The following TMEM72 variants were observed in gnomAD, a reference collection of about 807,000 sequenced individuals.
The protein encoded by TMEM72 is kidney-specific secretory protein of 37 kDa.
In TMEM72, 9 loss-of-function variants were observed where a neutral mutation model predicts 16.3. That is an observed-to-expected ratio of 0.55 (90% confidence interval 0.33 to 0.96). The LOEUF (loss-of-function observed/expected upper bound fraction) is 0.96. Among genes scored for constraint, TMEM72 ranks in the 40% least tolerant of loss-of-function variants. TMEM72 has a pLI of 0.03. For synonymous variants in TMEM72, 160 were observed against 146.5 expected, an observed-to-expected ratio of 1.09 and a Z score of -0.66; for missense variants, 324 against 337.8, an observed-to-expected ratio of 0.96 and a Z score of 0.32.
intron 1 of TMEM72, among the ~76,000 whole-genome samples, chr10:44,926,393 C>T (rs1041098845): frequency 2.0e-5 from 3 of 152,180 alleles, no homozygotes; most frequent in African/African-American, 7.2e-5. Flanking sequence ...CCTCACTGTC[C>T]TCCTCTGTAA....
intron 2 of TMEM72, 110 bp downstream of exon 2, chr10:44,928,097 C>T: frequency 1.6e-6 from 2 of 1,253,854 alleles, no homozygotes; most frequent in Non-Finnish European, 2.3e-6. Flanking sequence ...TGAATTCCAT[C>T]CTATCTCAGG....
chr10:44,915,399 A>T (rs1839999098), intron 1 of TMEM72, among the ~76,000 whole-genome samples: 1 of 151,940 alleles, frequency 6.6e-6, no homozygotes, highest in Non-Finnish European at 1.5e-5. Flanking sequence ...CCTCATACCC[A>T]CTGTACAGGA....
In TMEM72 at chr10:44,937,006, C is replaced by T. The variant is rs1316444329; in HGVS notation, c.*1872C>T. Reference sequence around the variant, plus strand: ...CCCGTTTAATAAACACTTCAGTAAACCCAAGTGTGGAGTGTTGTTTTGGGT... The same window carrying T: ...CCCGTTTAATAAACACTTCAGTAAATCCAAGTGTGGAGTGTTGTTTTGGGT... On this transcript the variant is annotated 3_prime_UTR_variant, in exon 5 of 5. Coordinates refer to ENST00000389583, the MANE Select transcript of TMEM72 (RefSeq NM_001123376.3). 6.6e-6 allele frequency: 1 copy of T among 152,190 alleles called. No individual in the cohort carries two copies. The highest frequency in any genetic ancestry group is 1.5e-5 in the Non-Finnish European group (1 of 68,038). The allele number at this position is 152,190 out of a possible 1,614,324, so 9.4% of individuals were successfully genotyped here. A position where few individuals can be genotyped will look rare whatever the true frequency, so the allele number is the denominator to read the frequency against.
rs372932789 is a variant in TMEM72, at chr10:44,934,995, G to A, written c.689G>A (p.Arg230His). The change falls in exon 5 of 5, where the codon CGC (arginine) becomes CAC (histidine). Residue 230 changes from arginine to histidine, a missense_variant. Physicochemically the swap from Arg to His is conservative, Grantham distance 29. Coordinates refer to ENST00000389583, the MANE Select transcript of TMEM72 (RefSeq NM_001123376.3). ...KQVHFEDNLV[R>H]IVPSLAEGLD... ...GTGCACTTTGAAGACAACTTGGTCC[G>A]CATAGTCCCCTCCCTCGCCGAAGGT... 95 of 1,613,972 alleles carry A rather than the reference G, an allele frequency of 5.9e-5. No individual in the cohort carries two copies. Among genetic ancestry groups the A allele is most frequent in the East Asian group, 1.3e-4 (6 of 44,878 alleles).
At chr10:44,922,396 T>C (rs1840115073) in intron 1 of TMEM72, among the ~76,000 whole-genome samples, 1 of 152,184 alleles carries the variant, frequency 6.6e-6, no homozygotes, top group Non-Finnish European at 1.5e-5. Context: ...AACAGTCCCC[T>C]GGAAAAAAAA....
intron 1 of TMEM72, among the ~76,000 whole-genome samples, chr10:44,916,497 G>A (rs2132711402): frequency 6.6e-6 from 1 of 152,250 alleles, no homozygotes; most frequent in South Asian, 2.1e-4. Flanking sequence ...CCTTAGCCCT[G>A]TTCAAAGCCT....
chr10:44,921,890 C>A (rs1164897417), intron 1 of TMEM72, among the ~76,000 whole-genome samples: 2 of 152,238 alleles, frequency 1.3e-5, no homozygotes. Flanking sequence ...TGGGCTTAGA[C>A]TGAAGGCCAC....
At position 44,919,612 on chromosome 10, in the gene TMEM72, AC is replaced by A. The variant is rs1301427970; in HGVS notation, c.70+8031del. Among the ~76,000 whole-genome samples, 4 of 152,234 alleles carry A rather than the reference AC, an allele frequency of 2.6e-5. No individual in the cohort carries two copies. The South Asian group carries it at 6.2e-4, about 24-fold the overall frequency. ...AACAAACTACACTAGAAACTAGAAA[AC>A]ATTGCTGAGAGATAACAAAGAAAAT... On this transcript the variant is annotated intron_variant, in intron 1 of 4. Coordinates refer to ENST00000389583, the MANE Select transcript of TMEM72 (RefSeq NM_001123376.3).
At position 44,934,826 on chromosome 10, in the gene TMEM72, G is replaced by A. The variant is rs779687778; in HGVS notation, c.520G>A (p.Ala174Thr). 6.2e-7 allele frequency: 1 copy of A among 1,613,606 alleles called. No individual in the cohort carries two copies. The highest frequency in any genetic ancestry group is 2.2e-5 in the East Asian group (1 of 44,870). The change falls in exon 5 of 5, where the codon GCC becomes ACC. Residue 174 changes from alanine (A) to threonine (T), a missense_variant. Transcript: ENST00000389583. Reference protein sequence around the residue: ...DTEQTYTFHGALKEGPSSLFI... With the variant: ...DTEQTYTFHGTLKEGPSSLFI... ...AGAGCAAACCTACACTTTCCATGGG[G>A]CCCTCAAGGAGGGGCCCAGCTCCCT...
At chr10:44,912,394 A>G (rs570610285) in intron 1 of TMEM72, among the ~76,000 whole-genome samples, 19 of 152,328 alleles carry the variant, frequency 1.2e-4, no homozygotes, top group African/African-American at 4.3e-4. Context: ...ATGAACAGGC[A>G]GAATTCTGAG....
At chr10:44,931,740 G>A (rs1840300303) in intron 2 of TMEM72, 1 of 517,620 alleles carries the variant, frequency 1.9e-6, no homozygotes, top group Non-Finnish European at 3.5e-6. Flanking sequence ...CAGGGTGCCA[G>A]GTGAAGGCCA....
intron 1 of TMEM72, among the ~76,000 whole-genome samples, chr10:44,917,249 T>G (rs1034324261): frequency 1.3e-5 from 2 of 152,120 alleles, no homozygotes; most frequent in Non-Finnish European, 2.9e-5. Flanking sequence ...ATGGCTAAAG[T>G]AGCAAGCTGC....
chr10:44,919,712 A>T (rs1589040515), intron 1 of TMEM72, among the ~76,000 whole-genome samples: 1 of 152,164 alleles, frequency 6.6e-6, no homozygotes, highest in Non-Finnish European at 1.5e-5. Context: ...TCTCCCCCAA[A>T]TTGCTATACA....
intron 1 of TMEM72, chr10:44,923,349 TTCTC>T (rs1589042759): frequency 1.3e-5 from 2 of 151,326 alleles, no homozygotes; most frequent in African/African-American, 4.9e-5. Context: ...TTCTCTTCCT[TTCTC>T]TCTTTCTCTC....
chr10:44,921,681 C>T (rs1219567216), intron 1 of TMEM72, among the ~76,000 whole-genome samples: 1 of 152,210 alleles, frequency 6.6e-6, no homozygotes, highest in East Asian at 1.9e-4. Context: ...GACTAGCACC[C>T]TGTGAAGGCA....
intron 3 of TMEM72, among the ~76,000 whole-genome samples, chr10:44,932,911 GC>G (rs2132730342): frequency 6.6e-6 from 1 of 152,240 alleles, no homozygotes; most frequent in African/African-American, 2.4e-5. Context: ...CAGCCTGCGA[GC>G]ATAAGAGAGC....
At chr10:44,923,482 GGT>G (rs1484566798) in intron 1 of TMEM72, among the ~76,000 whole-genome samples, 2 of 152,168 alleles carry the variant, frequency 1.3e-5, no homozygotes, top group Non-Finnish European at 2.9e-5. Context: ...GGGATTAGCA[GGT>G]GTGTCTTCAC....
In TMEM72 at chr10:44,935,322, C is replaced by A; in HGVS notation, c.*188C>A. ...TTCTGGAGAGGCCTCGAGGGAGGCA[C>A]AAACAAGGCTCACGCCACCTCAAGC... On this transcript the variant is annotated 3_prime_UTR_variant, in exon 5 of 5. Transcript: ENST00000389583. 1 of 555,154 alleles carries A rather than the reference C, an allele frequency of 1.8e-6. No individual in the cohort carries two copies. Among genetic ancestry groups the A allele is most frequent in the South Asian group, 3.0e-5 (1 of 33,460 alleles). The allele number at this position is 555,154 out of a possible 1,614,324, so 34.4% of individuals were successfully genotyped here.
chr10:44,923,987 G>A (rs2132719315), intron 1 of TMEM72, among the ~76,000 whole-genome samples: 1 of 152,312 alleles, frequency 6.6e-6, no homozygotes, highest in Middle Eastern at 3.4e-3. Flanking sequence ...GCTGGGAGAG[G>A]GAGTGGCCAG....
Sources: gnomAD v4.1 joint callset for allele counts (sites outside exome capture counted in the v4.1 genomes callset) on GRCh38, gnomAD v4.1.1 for gene constraint, MANE v1.5 for transcripts, NCBI Gene and HGNC (gene_info 2026-07-23, HGNC 2026-07-21) for gene names.